Variants in EGFL6 observed in about 807,000 individuals in gnomAD.
EGFL6 encodes epidermal growth factor-like protein 6.
A neutral mutation model predicts 43.1 loss-of-function variants in EGFL6; 42 were observed. The ratio of observed to expected loss-of-function variants is 0.98; its 90% confidence interval spans 0.76 to 1.26. EGFL6 has a LOEUF of 1.26. Among genes scored for constraint, EGFL6 ranks in the 50% most tolerant of loss-of-function variants. The pLI is 0.00. For synonymous variants in EGFL6, 164 were observed against 163.2 expected (o/e 1.01, Z -0.04); for missense variants, 429 against 427.8 (o/e 1.00, Z -0.02).
At position 13,605,713 on chromosome X, in the gene EGFL6, A is replaced by G. The variant is rs768250777; in HGVS notation, c.521-666A>G. Among the ~76,000 whole-genome samples, 5 of 112,489 alleles carry G rather than the reference A, an allele frequency of 4.4e-5. No individual in the cohort carries two copies. The East Asian group carries it at 1.4e-3, about 31-fold the overall frequency. On this transcript the variant is annotated intron_variant, in intron 5 of 11. Transcript: ENST00000361306. ...GAAAGTTAAACCAAGCCTGAGTCTTAGTAGATTGGTCAGCATAGCTGTCAG... is the reference window on the plus strand; with the variant it reads ...GAAAGTTAAACCAAGCCTGAGTCTTGGTAGATTGGTCAGCATAGCTGTCAG...
chrX:13,632,741 T>A (rs2045820150), intron 11 of EGFL6, among the ~76,000 whole-genome samples: 1 of 112,111 alleles, frequency 8.9e-6, no homozygotes, highest in African/African-American at 3.2e-5. Context: ...TTTTAAATCT[T>A]ATTCTTCTCA....
In EGFL6 at chrX:13,627,277, G is replaced by C. The variant is rs779064685; in HGVS notation, c.1551+1G>C. On this transcript the variant is annotated splice_donor_variant, in intron 11 of 11. Transcript: ENST00000361306. LOFTEE classifies it high-confidence loss of function. Reference sequence around the variant, plus strand: ...TCAAGGAACTGATGCTACCAAAAGCGTAAGTGGGAAAAAAATGATTAAACT... The same window carrying C: ...TCAAGGAACTGATGCTACCAAAAGCCTAAGTGGGAAAAAAATGATTAAACT... 5.9e-6 allele frequency: 7 copies of C among 1,196,454 alleles called. No homozygotes were observed. The highest frequency in any genetic ancestry group is 7.9e-6 in the Non-Finnish European group (7 of 886,658).
intron 6 of EGFL6, 94 bp downstream of exon 6, chrX:13,606,607 G>A (rs983229480): frequency 2.8e-5 from 28 of 1,006,106 alleles, no homozygotes; most frequent in Non-Finnish European, 3.8e-5. Context: ...CAAGCTATTA[G>A]TTGAACAATC....
At chrX:13,612,916 G>A (rs373004316) in intron 7 of EGFL6, among the ~76,000 whole-genome samples, 36 of 110,563 alleles carry the variant, frequency 3.3e-4, no homozygotes, top group African/African-American at 6.6e-4. Context: ...AGGCCGAGGC[G>A]GGTGGATTGC....
chrX:13,629,965 A>G (rs2045801932), intron 11 of EGFL6, among the ~76,000 whole-genome samples: 2 of 112,128 alleles, frequency 1.8e-5, no homozygotes, highest in Admixed American at 1.9e-4. Context: ...TTCAACTTCC[A>G]TGCCAGGCCC....
intron 4 of EGFL6, among the ~76,000 whole-genome samples, chrX:13,600,658 GA>G (rs1486928925): frequency 1.9e-5 from 2 of 105,255 alleles, no homozygotes; most frequent in Admixed American, 1.0e-4. Flanking sequence ...AACACTTTGG[GA>G]GGCTGAGGCA....
intron 9 of EGFL6, among the ~76,000 whole-genome samples, chrX:13,621,870 A>G (rs1285356908): frequency 8.9e-6 from 1 of 112,820 alleles, no homozygotes; most frequent in East Asian, 2.8e-4. Context: ...GAAGTGCTAT[A>G]CAAATGAAAG....
chrX:13,610,179 A>G (rs1292606272), intron 7 of EGFL6, among the ~76,000 whole-genome samples: 1 of 112,631 alleles, frequency 8.9e-6, no homozygotes, highest in Admixed American at 9.4e-5. Flanking sequence ...AACTGCCAAA[A>G]GAACAGGGCA....
chrX:13,569,883 G>A lies in EGFL6; in HGVS notation c.22G>A (p.Ala8Thr), dbSNP rs373241676. The change falls in exon 1 of 12, where the codon GCG (alanine) becomes ACG (threonine). Residue 8 changes from alanine (A) to threonine (T), a missense_variant. Coordinates refer to ENST00000361306, the MANE Select transcript of EGFL6 (RefSeq NM_015507.4). The stretch of plus-strand genomic sequence containing the variant: ...GAGAATGCCTCTGCCCTGGAGCCTT[G>A]CGCTCCCGCTGCTGCTCTCCTGGGT... MPLPWSL[A>T]LPLLLSWVAG... 1 of 1,212,184 alleles carries A rather than the reference G, an allele frequency of 8.2e-7. No homozygotes were observed. The highest frequency in any genetic ancestry group is 1.1e-6 in the Non-Finnish European group (1 of 895,473).
intron 7 of EGFL6, among the ~76,000 whole-genome samples, chrX:13,614,749 A>ATTTT (rs144356394): frequency 2.4e-4 from 23 of 94,391 alleles, no homozygotes; most frequent in African/African-American, 8.7e-4. Context: ...CTCCCTCCAT[A>ATTTT]TTTTTTTTTT....
chrX:13,615,089 T>C (rs181780634), intron 7 of EGFL6, among the ~76,000 whole-genome samples: 1 of 112,224 alleles, frequency 8.9e-6, no homozygotes, highest in East Asian at 2.8e-4. Flanking sequence ...GATGATGCAA[T>C]AATCAATAAA....
chrX:13,579,076 T>C (rs950402846), intron 1 of EGFL6, among the ~76,000 whole-genome samples: 3 of 111,239 alleles, frequency 2.7e-5, no homozygotes, highest in Admixed American at 1.9e-4. Context: ...TTTAGATTCA[T>C]AGCAAAAGGG....
At chrX:13,576,788 A>G (rs1367577633) in intron 1 of EGFL6, among the ~76,000 whole-genome samples, 4 of 111,700 alleles carry the variant, frequency 3.6e-5, no homozygotes, top group African/African-American at 1.3e-4. Flanking sequence ...TAGATTGTTA[A>G]ATGATTTGCC....
rs1021823794 is a variant in EGFL6, at chrX:13,623,830, A to G, written c.1190A>G (p.Asn397Ser). The stretch of plus-strand genomic sequence containing the variant: ...TGTTCTTTCTTTTTAGCAGATTTAA[A>G]TATCTCGGTTGACTGCAGCTTCAAT... Reference protein sequence around the residue: ...LTSKLEHKDLNISVDCSFNHG... With the variant: ...LTSKLEHKDLSISVDCSFNHG... Residue 397 changes from asparagine to serine, a missense_variant, in exon 10 of 12, where the codon AAT (asparagine) becomes AGT (serine). By Grantham distance (46) the Asn-to-Ser change is conservative (BLOSUM62 1). Transcript: ENST00000361306. 1.1e-5 allele frequency: 13 copies of G among 1,204,413 alleles called. No homozygotes were observed. Among genetic ancestry groups the G allele is most frequent in the Middle Eastern group, 4.6e-4 (2 of 4,330 alleles).
chrX:13,589,615 C>T lies in EGFL6; in HGVS notation c.134C>T (p.Thr45Ile). 8.3e-7 allele frequency: 1 copy of T among 1,211,207 alleles called. No individual in the cohort carries two copies. Among genetic ancestry groups the T allele is most frequent in the African/African-American group, 1.7e-5 (1 of 57,780 alleles). Residue 45 changes from threonine to isoleucine, a missense_variant, in exon 2 of 12, where the codon ACT (threonine) becomes ATT (isoleucine). Transcript: ENST00000361306. ...CAGCCTGGGGTCTGTCACTATGGAA[C>T]TAAACTGGCCTGCTGCTACGGCTGG... ...ARQPGVCHYGTKLACCYGWRR... is the reference protein window; with the variant it reads ...ARQPGVCHYGIKLACCYGWRR...
Position 13,611,302 on chromosome X carries a change from G to T in EGFL6, c.778+2856G>T, listed in dbSNP as rs141405295. ...ATATAGTAGATGCTCATTAAAGTTC[G>T]CTGTGATTGTTATTGTTATTAGTAT... On this transcript the variant is annotated intron_variant, in intron 7 of 11. Coordinates refer to ENST00000361306, the MANE Select transcript of EGFL6 (RefSeq NM_015507.4). Among the ~76,000 whole-genome samples, 336 of 111,904 alleles carry T rather than the reference G, an allele frequency of 3.0e-3. 3 individuals carry two copies. The highest frequency in any genetic ancestry group is 9.3e-3 in the South Asian group (25 of 2,687).
Position 13,569,658 on chromosome X carries a change from C to A in EGFL6, c.-204C>A. 1 of 421,207 alleles carries A rather than the reference C, an allele frequency of 2.4e-6. No homozygotes were observed. The highest frequency in any genetic ancestry group is 3.8e-5 in the South Asian group (1 of 26,113). 34.7% of individuals were successfully genotyped at this position (421,207 alleles called of 1,213,427 possible). ...CCTCGGCCAGGCTTGCCAGGGCGCCCCCAGCCCCTCCCCAGGCCGCGAGCG... is the reference window on the plus strand; with the variant it reads ...CCTCGGCCAGGCTTGCCAGGGCGCCACCAGCCCCTCCCCAGGCCGCGAGCG... On this transcript the variant is annotated 5_prime_UTR_variant, in exon 1 of 12. Transcript: ENST00000361306.
intron 5 of EGFL6, among the ~76,000 whole-genome samples, chrX:13,604,506 T>A (rs1402397672): frequency 9.0e-6 from 1 of 111,183 alleles, no homozygotes; most frequent in African/African-American, 3.3e-5. Flanking sequence ...AAGCACAATG[T>A]TGTAGGTGCA....
intron 4 of EGFL6, among the ~76,000 whole-genome samples, chrX:13,602,982 T>C (rs2045641781): frequency 8.9e-6 from 1 of 112,080 alleles, no homozygotes; most frequent in Admixed American, 9.4e-5. Flanking sequence ...CAATTCAACC[T>C]ACTGAGGCCA....
Sources: gnomAD v4.1 joint callset for allele counts (sites outside exome capture counted in the v4.1 genomes callset) on GRCh38, gnomAD v4.1.1 for gene constraint, MANE v1.5 for transcripts, NCBI Gene and HGNC (gene_info 2026-07-23, HGNC 2026-07-21) for gene names.